Variants in ADGRG4 observed in about 807,000 individuals in gnomAD.
ADGRG4 encodes G protein-coupled receptor 112.
Under a neutral mutation model 126.2 loss-of-function variants are expected in ADGRG4, and 122 were observed. The ratio of observed to expected loss-of-function variants is 0.97; its 90% confidence interval spans 0.83 to 1.12. The LOEUF (loss-of-function observed/expected upper bound fraction) is 1.12. Ranked by LOEUF, ADGRG4 falls within the 50% of genes most tolerant of loss-of-function variation. The pLI is 0.00. For missense variants in ADGRG4, 2,481 were observed against 2,251.8 expected (o/e 1.10, Z -2.06); for synonymous variants, 943 against 838.7 (o/e 1.12, Z -2.15).
At chrX:136,341,448 G>A (rs1017175005) in intron 5 of ADGRG4, among the ~76,000 whole-genome samples, 2 of 112,291 alleles carry the variant, frequency 1.8e-5, no homozygotes, top group African/African-American at 6.5e-5. Flanking sequence ...TGTGCTAGAA[G>A]TGACACTTTC....
At chrX:136,326,174 T>C (rs2074871931) in intron 5 of ADGRG4, among the ~76,000 whole-genome samples, 1 of 112,622 alleles carries the variant, frequency 8.9e-6, no homozygotes, top group African/African-American at 3.2e-5. Context: ...AAGTGTTCTT[T>C]CCAAACCTTG....
intron 15 of ADGRG4, among the ~76,000 whole-genome samples, chrX:136,378,461 A>G (rs1445146460): frequency 1.8e-5 from 2 of 111,189 alleles, no homozygotes. Flanking sequence ...TTCTTTACTG[A>G]TCTTTATTCC....
Position 136,405,820 on chromosome X carries a change from A to G in ADGRG4, c.8783A>G (p.Gln2928Arg). ...CTGAATTCTGTGAAATCCCAAATCC[A>G]GAAGACTCGGCGGAAGATGATCCTG... is the stretch of plus-strand genomic sequence containing the variant. ...VQLNSVKSQI[Q>R]KTRRKMILHD... The change falls in exon 23 of 26, where the codon CAG (glutamine) becomes CGG (arginine). Residue 2928 changes from glutamine to arginine, a missense_variant. Gln to Arg is a conservative substitution (Grantham distance 43, BLOSUM62 1). Coordinates refer to ENST00000394143, the MANE Select transcript of ADGRG4 (RefSeq NM_153834.4). 8.3e-7 allele frequency: 1 copy of G among 1,210,890 alleles called. No homozygotes were observed. Among genetic ancestry groups the G allele is most frequent in the East Asian group, 3.0e-5 (1 of 33,849 alleles).
rs377713935 is a variant in ADGRG4 at position 136,405,698 on chromosome X, G to C, written c.8661G>C (p.Trp2887Cys). ...TCTTCTTTGTTTCTTACAGTTGTTG[G>C]ATTAAAGATGATTCTATCTTTTACA... is the stretch of plus-strand genomic sequence containing the variant. ...GTLSPTTPFC[W>C]IKDDSIFYIS... Residue 2887 changes from tryptophan to cysteine, a missense_variant, in exon 23 of 26, where the codon TGG becomes TGC. Physicochemically the swap from Trp to Cys is radical, Grantham distance 215. Coordinates refer to ENST00000394143, the MANE Select transcript of ADGRG4 (RefSeq NM_153834.4). 1 of 1,154,589 alleles carries C rather than the reference G, an allele frequency of 8.7e-7. No individual in the cohort carries two copies. Among genetic ancestry groups the C allele is most frequent in the South Asian group, 2.1e-5 (1 of 47,931 alleles).
chrX:136,308,739 C>A, intron 3 of ADGRG4, 30 bp from the exon 4 acceptor site: 3 of 772,377 alleles, frequency 3.9e-6, no homozygotes, highest in Non-Finnish European at 4.0e-6. Context: ...AATATCTGAG[C>A]TGGGCATATT....
At position 136,416,599 on chromosome X, in the gene ADGRG4, A is replaced by T; in HGVS notation, c.*108A>T. The T allele has an allele frequency of 1.9e-6, 1 of 539,523 alleles. No individual in the cohort carries two copies. The highest frequency in any genetic ancestry group is 3.8e-5 in the South Asian group (1 of 26,583). The allele number at this position is 539,523 out of a possible 1,213,427, so 44.5% of individuals were successfully genotyped here. Reference sequence around the variant, plus strand: ...GTGATGGGTGCACCAAAATCTCACAAATCACCACTAAATAATGTACTCATG... The same window carrying T: ...GTGATGGGTGCACCAAAATCTCACATATCACCACTAAATAATGTACTCATG... On this transcript the variant is annotated 3_prime_UTR_variant, in exon 26 of 26. Coordinates refer to ENST00000394143, the MANE Select transcript of ADGRG4 (RefSeq NM_153834.4).
At chrX:136,369,261 C>G (rs1010567343) in intron 13 of ADGRG4, among the ~76,000 whole-genome samples, 2 of 112,322 alleles carry the variant, frequency 1.8e-5, no homozygotes, top group African/African-American at 6.5e-5. Flanking sequence ...GGAACACTGG[C>G]TCATAGAAAT....
intron 17 of ADGRG4, 27 bp from the exon 18 acceptor site, chrX:136,393,508 G>A: frequency 4.3e-6 from 5 of 1,169,892 alleles, no homozygotes; most frequent in Non-Finnish European, 5.8e-6. Context: ...AAGGCAAGAT[G>A]TTTACCTCTG....
chrX:136,368,609 C>T (rs1232488121), intron 13 of ADGRG4, among the ~76,000 whole-genome samples: 1 of 111,620 alleles, frequency 9.0e-6, no homozygotes, highest in Non-Finnish European at 1.9e-5. Context: ...GTAGCTTTTG[C>T]CAGTTTTCAT....
chrX:136,348,682 T>C lies in ADGRG4; in HGVS notation c.4976T>C (p.Val1659Ala). The change falls in exon 6 of 26, where the codon GTT (valine) becomes GCT (alanine). Residue 1659 changes from valine to alanine, a missense_variant. Transcript: ENST00000394143. ...CCAACTTTGCCCTTTGTAAAAACCG[T>C]TCCCACCACCATTATGGCTGGGATA... ...TEPTLPFVKT[V>A]PTTIMAGIVT... 8.3e-7 allele frequency: 1 copy of C among 1,210,346 alleles called. No homozygotes were observed. The highest frequency in any genetic ancestry group is 1.1e-6 in the Non-Finnish European group (1 of 894,698).
chrX:136,329,257 C>G (rs951158583), intron 5 of ADGRG4, among the ~76,000 whole-genome samples: 2 of 111,320 alleles, frequency 1.8e-5, no homozygotes, highest in African/African-American at 6.5e-5. Flanking sequence ...GGTGATATAC[C>G]CAAATCACAA....
Position 136,347,053 on chromosome X carries a change from T to C in ADGRG4, c.3347T>C (p.Leu1116Pro). The C allele has an allele frequency of 8.3e-7, 1 of 1,210,780 alleles. No individual in the cohort carries two copies. Among genetic ancestry groups the C allele is most frequent in the Non-Finnish European group, 1.1e-6 (1 of 894,961 alleles). ...GAAACACCATTTCATTCACTGAGAC[T>C]CTCCACTCCTGTGACAGCTAAGGCT... ...LTETPFHSLR[L>P]STPVTAKAET... The change falls in exon 6 of 26, where the codon CTC becomes CCC. Residue 1116 changes from leucine (L) to proline (P), a missense_variant. By Grantham distance (98) the Leu-to-Pro change is moderately conservative. Coordinates refer to ENST00000394143, the MANE Select transcript of ADGRG4 (RefSeq NM_153834.4).
chrX:136,329,563 A>G (rs1313859894), intron 5 of ADGRG4, among the ~76,000 whole-genome samples: 2 of 112,105 alleles, frequency 1.8e-5, no homozygotes, highest in African/African-American at 6.5e-5. Flanking sequence ...ATGGCAAATC[A>G]TGTTTGTGAG....
rs147903559 is a variant in ADGRG4 at position 136,408,786 on chromosome X, A to G, written c.8935+2814A>G. 3.3e-3 allele frequency among the ~76,000 whole-genome samples: 373 copies of G among 111,662 alleles called. 2 individuals carry two copies. The highest frequency in any genetic ancestry group is 4.7e-3 in the Non-Finnish European group (250 of 53,157). On this transcript the variant is annotated intron_variant, in intron 23 of 25. Coordinates refer to ENST00000394143, the MANE Select transcript of ADGRG4 (RefSeq NM_153834.4). ...AGCTCTGTTTTAATTTCTTTGAGAA[A>G]TCTTCAAACTGCTTTCCACAGTGGC... is the stretch of plus-strand genomic sequence containing the variant.
intron 15 of ADGRG4, among the ~76,000 whole-genome samples, chrX:136,375,292 A>G (rs1439275355): frequency 8.9e-6 from 1 of 111,882 alleles, no homozygotes; most frequent in African/African-American, 3.2e-5. Flanking sequence ...TGGTTGATGG[A>G]CACTTAGGTT....
intron 15 of ADGRG4, among the ~76,000 whole-genome samples, chrX:136,375,424 T>C (rs2075219754): frequency 8.9e-6 from 1 of 112,278 alleles, no homozygotes; most frequent in Non-Finnish European, 1.9e-5. Flanking sequence ...CTAGATGGAA[T>C]GGTAGTTCTC....
At chrX:136,330,078 C>T (rs939002765) in intron 5 of ADGRG4, among the ~76,000 whole-genome samples, 1 of 110,717 alleles carries the variant, frequency 9.0e-6, no homozygotes, top group Non-Finnish European at 1.9e-5. Flanking sequence ...ATACAACCCA[C>T]CAATCTTACT....
chrX:136,306,712 T>C (rs1336688505), intron 3 of ADGRG4, among the ~76,000 whole-genome samples: 1 of 107,348 alleles, frequency 9.3e-6, no homozygotes, highest in African/African-American at 3.5e-5. Flanking sequence ...CTTACCTTAT[T>C]CCTTTTTTTT....
chrX:136,396,610 A>G (rs1225100866), intron 19 of ADGRG4, among the ~76,000 whole-genome samples: 11 of 101,551 alleles, frequency 1.1e-4, no homozygotes, highest in Non-Finnish European at 1.4e-4. Context: ...AAAAAAAAAA[A>G]AGAGAGAGAG....
Sources: allele counts gnomAD v4.1 joint callset (sites outside exome capture counted in the v4.1 genomes callset), GRCh38; gene constraint gnomAD v4.1.1; transcripts MANE v1.5; gene names NCBI Gene and HGNC (gene_info 2026-07-23, HGNC 2026-07-21).